The following GRIA4 variants were observed in gnomAD, a reference collection of about 807,000 sequenced individuals.
The protein encoded by GRIA4 is glutamate receptor 4.
Under a neutral mutation model 104.0 loss-of-function variants are expected in GRIA4, and 34 were observed. The observed-to-expected ratio is 0.33, with a 90% CI of 0.25 to 0.44. The LOEUF (loss-of-function observed/expected upper bound fraction) is 0.44, where lower values mean the gene tolerates loss of function less well. Among genes scored for constraint, GRIA4 ranks in the 20% least tolerant of loss-of-function variants. GRIA4 has a pLI of 1.00. For missense variants in GRIA4, 750 were observed against 1,096.5 expected (o/e 0.68, Z 4.46); for synonymous variants, 386 against 381.9 (o/e 1.01, Z -0.13).
intron 4 of GRIA4, among the ~76,000 whole-genome samples, chr11:105,775,917 T>C (rs1295218308): frequency 6.6e-6 from 1 of 151,866 alleles, no homozygotes; most frequent in Non-Finnish European, 1.5e-5. Context: ...ATTAAGAACT[T>C]CCATTTGTTA....
At chr11:105,938,287 T>C (rs1303768610) in intron 14 of GRIA4, among the ~76,000 whole-genome samples, 3 of 152,230 alleles carry the variant, frequency 2.0e-5, no homozygotes, top group African/African-American at 7.2e-5. Flanking sequence ...TGTGAAGTAC[T>C]TAGACGGTTT....
intron 3 of GRIA4, among the ~76,000 whole-genome samples, chr11:105,657,374 TAAA>T (rs1444950317): frequency 6.6e-6 from 1 of 152,048 alleles, no homozygotes; most frequent in East Asian, 1.9e-4. Flanking sequence ...CCTACTGAAA[TAAA>T]AAATAATCAT....
chr11:105,899,618 A>C (rs756896495), intron 7 of GRIA4, among the ~76,000 whole-genome samples: 8 of 152,214 alleles, frequency 5.3e-5, no homozygotes, highest in Non-Finnish European at 8.8e-5. Context: ...TATTCACAGC[A>C]GTTATGTTCT....
Position 105,823,754 on chromosome 11 carries a change from C to T in GRIA4, c.488-38270C>T, listed in dbSNP as rs192551644. Among the ~76,000 whole-genome samples the T allele has an allele frequency of 1.4e-3, 216 of 152,138 alleles. 1 individual carries two copies. Among genetic ancestry groups the T allele is most frequent in the African/African-American group, 4.9e-3 (204 of 41,548 alleles). The stretch of plus-strand genomic sequence containing the variant: ...TTACATCTAAAGGAGGTTTTTGAGA[C>T]GGGATTTTTTAATTATTAATGCATG... On this transcript the variant is annotated intron_variant, in intron 4 of 16. Coordinates refer to ENST00000282499, the MANE Select transcript of GRIA4 (RefSeq NM_000829.4).
intron 4 of GRIA4, among the ~76,000 whole-genome samples, chr11:105,817,025 T>A (rs1406931714): frequency 6.6e-6 from 1 of 151,758 alleles, no homozygotes; most frequent in African/African-American, 2.4e-5. Flanking sequence ...TGAAACCCTG[T>A]CTCTTTAAAA....
chr11:105,695,077 C>T (rs1055208156), intron 3 of GRIA4, among the ~76,000 whole-genome samples: 1 of 152,162 alleles, frequency 6.6e-6, no homozygotes, highest in Non-Finnish European at 1.5e-5. Context: ...CACACTTTTT[C>T]TCCTATTCTG....
At chr11:105,667,366 T>C (rs1261389971) in intron 3 of GRIA4, among the ~76,000 whole-genome samples, 2 of 152,000 alleles carry the variant, frequency 1.3e-5, no homozygotes, top group African/African-American at 2.4e-5. Flanking sequence ...GAGATGAAGA[T>C]ATCAAAGACG....
intron 4 of GRIA4, among the ~76,000 whole-genome samples, chr11:105,764,783 T>C (rs556094512): frequency 6.1e-5 from 9 of 148,206 alleles, no homozygotes; most frequent in Non-Finnish European, 1.2e-4. Context: ...AGGTAGTTTA[T>C]AAAAATAAAC....
intron 3 of GRIA4, among the ~76,000 whole-genome samples, chr11:105,727,768 G>A (rs965117968): frequency 7.2e-5 from 11 of 152,152 alleles, no homozygotes; most frequent in African/African-American, 2.7e-4. Flanking sequence ...TTCATATCCA[G>A]CCAAACTAAG....
chr11:105,619,041 C>G (rs1422984908), intron 3 of GRIA4, among the ~76,000 whole-genome samples: 1 of 149,142 alleles, frequency 6.7e-6, no homozygotes, highest in African/African-American at 2.5e-5. Context: ...TAGGTTTTTC[C>G]TTTTCTTTTC....
In GRIA4 at chr11:105,933,792, G is replaced by C. The variant is rs1440008372; in HGVS notation, c.2117G>C (p.Arg706Thr). The change falls in exon 14 of 17, where the codon AGG (arginine) becomes ACG (threonine). Residue 706 changes from arginine to threonine, a missense_variant. Physicochemically the swap from Arg to Thr is moderately conservative, Grantham distance 71. This residue lies in a region of GRIA4 where 272 missense variants were observed against 524.5 expected (regional missense o/e 0.52). Transcript: ENST00000282499. ...TCAGCAGAGCCATCAGTATTCACTA[G>C]GACTACAGCTGAGGGAGTAGCTCGT... ...MRSAEPSVFT[R>T]TTAEGVARVR... 11 of 1,612,256 alleles carry C rather than the reference G, an allele frequency of 6.8e-6. No individual in the cohort carries two copies. Among genetic ancestry groups the C allele is most frequent in the Non-Finnish European group, 1.7e-6 (2 of 1,178,696 alleles).
intron 4 of GRIA4, 61 bp downstream of exon 4, chr11:105,753,281 A>G: frequency 6.6e-7 from 1 of 1,506,440 alleles, no homozygotes; most frequent in Non-Finnish European, 9.2e-7. Context: ...AAATGGCCTT[A>G]TATGACTTCG....
At chr11:105,855,441 T>C (rs1043185002) in intron 4 of GRIA4, among the ~76,000 whole-genome samples, 1 of 152,068 alleles carries the variant, frequency 6.6e-6, no homozygotes, top group East Asian at 1.9e-4. Flanking sequence ...TATAATGTGA[T>C]ATAAAAAAGT....
chr11:105,785,030 C>T (rs564356047), intron 4 of GRIA4, among the ~76,000 whole-genome samples: 7 of 152,080 alleles, frequency 4.6e-5, no homozygotes, highest in Non-Finnish European at 1.0e-4. Context: ...GCCCATGCAG[C>T]GTTCCAGCTA....
In GRIA4 at chr11:105,979,742, A is replaced by G. The variant is rs760846051; in HGVS notation, c.*3A>G. 2.8e-5 allele frequency: 45 copies of G among 1,610,836 alleles called. No individual in the cohort carries two copies. The South Asian group carries it at 4.8e-4, about 17-fold the overall frequency. On this transcript the variant is annotated 3_prime_UTR_variant, in exon 17 of 17. Coordinates refer to ENST00000282499, the MANE Select transcript of GRIA4 (RefSeq NM_000829.4). ...TCATTGCATCGGACCTACCATAAAA[A>G]CCAAAAAAATAATTGAGTGCCTTAA... is the stretch of plus-strand genomic sequence containing the variant.
At chr11:105,943,264 A>C (rs531507246) in intron 14 of GRIA4, among the ~76,000 whole-genome samples, 51 of 152,282 alleles carry the variant, frequency 3.3e-4, no homozygotes, top group Admixed American at 3.0e-3. Context: ...GCAAGAAATA[A>C]ATGCAGGTCT....
intron 3 of GRIA4, among the ~76,000 whole-genome samples, chr11:105,630,687 GA>G (rs1209610218): frequency 6.6e-6 from 1 of 151,926 alleles, no homozygotes; most frequent in African/African-American, 2.4e-5. Context: ...AGGCATTAAT[GA>G]AAAAAATGAT....
At chr11:105,978,921 C>T (rs1368949547) in intron 16 of GRIA4, among the ~76,000 whole-genome samples, 1 of 152,164 alleles carries the variant, frequency 6.6e-6, no homozygotes, top group African/African-American at 2.4e-5. Flanking sequence ...CCAGTCATGA[C>T]CATTCAGTAG....
intron 3 of GRIA4, among the ~76,000 whole-genome samples, chr11:105,654,695 G>T (rs1455300599): frequency 6.6e-6 from 1 of 152,094 alleles, no homozygotes; most frequent in African/African-American, 2.4e-5. Context: ...TAATACAGGA[G>T]TAACCACCAG....
Sources: allele counts gnomAD v4.1 joint callset (sites outside exome capture counted in the v4.1 genomes callset), GRCh38; gene constraint gnomAD v4.1.1; regional missense constraint gnomAD v4.1.1; transcripts MANE v1.5; gene names NCBI Gene and HGNC (gene_info 2026-07-23, HGNC 2026-07-21).